Variants in DLG2 observed in about 807,000 individuals in gnomAD.
The protein encoded by DLG2 is discs large MAGUK scaffold protein 2.
Under a neutral mutation model 132.5 loss-of-function variants are expected in DLG2, and 45 were observed. The ratio of observed to expected loss-of-function variants is 0.34; its 90% CI spans 0.27 to 0.44. The LOEUF (loss-of-function observed/expected upper bound fraction) is 0.44. DLG2 is among the 20% of genes least tolerant of loss of function. The pLI, the probability that DLG2 is intolerant of heterozygous loss-of-function variation, is 1.00. For missense variants in DLG2, 1,045 were observed against 1,196.9 expected, an observed-to-expected ratio of 0.87 and a Z score of 1.87; for synonymous variants, 424 against 419.6, an observed-to-expected ratio of 1.01 and a Z score of -0.13.
At chr11:84,897,771 G>A (rs1013670978) in intron 6 of DLG2, among the ~76,000 whole-genome samples, 14 of 151,850 alleles carry the variant, frequency 9.2e-5, no homozygotes, top group Non-Finnish European at 1.5e-4. Context: ...TTGGGAAGCA[G>A]GAGTCTTATG....
intron 18 of DLG2, among the ~76,000 whole-genome samples, chr11:83,673,310 C>T (rs2077142169): frequency 6.6e-6 from 1 of 152,002 alleles, no homozygotes; most frequent in Admixed American, 6.5e-5. Flanking sequence ...AGATGGAAAG[C>T]AACACTTTGT....
At chr11:85,337,998 T>C (rs1477198979) in intron 3 of DLG2, among the ~76,000 whole-genome samples, 3 of 152,174 alleles carry the variant, frequency 2.0e-5, no homozygotes, top group Non-Finnish European at 4.4e-5. Context: ...ATAGTGCTAA[T>C]ATAAAAACTT....
At chr11:85,507,214 A>C (rs146380528) in intron 3 of DLG2, among the ~76,000 whole-genome samples, 1 of 152,250 alleles carries the variant, frequency 6.6e-6, no homozygotes, top group Non-Finnish European at 1.5e-5. Flanking sequence ...ACTTACATTT[A>C]AGGTTAATAA....
At chr11:85,240,044 C>T (rs886522652) in intron 4 of DLG2, among the ~76,000 whole-genome samples, 2 of 151,908 alleles carry the variant, frequency 1.3e-5, no homozygotes, top group African/African-American at 4.8e-5. Flanking sequence ...TATTCTACAT[C>T]TCCTTCTTTG....
At chr11:84,041,916 AT>A (rs922658700) in intron 11 of DLG2, among the ~76,000 whole-genome samples, 9 of 151,932 alleles carry the variant, frequency 5.9e-5, no homozygotes, top group Middle Eastern at 6.8e-3. Flanking sequence ...ATGAGATCTG[AT>A]GGTTTTAAAA....
chr11:83,646,357 C>CAGAGTGAG (rs113642329), intron 18 of DLG2, among the ~76,000 whole-genome samples: 6,552 of 126,220 alleles, frequency 0.052, 452 homozygotes, highest in African/African-American at 0.16. Context: ...AGATATGAAA[C>CAGAGTGAG]AGAGAGAGAG....
At chr11:84,351,070 C>A (rs750079698) in intron 7 of DLG2, among the ~76,000 whole-genome samples, 19 of 151,790 alleles carry the variant, frequency 1.3e-4, no homozygotes, top group Non-Finnish European at 2.5e-4. Flanking sequence ...GATGTGAGGA[C>A]AAACAGGAAA....
At chr11:83,803,444 G>C (rs1447850537) in intron 17 of DLG2, among the ~76,000 whole-genome samples, 2 of 152,044 alleles carry the variant, frequency 1.3e-5, no homozygotes, top group South Asian at 2.1e-4. Flanking sequence ...TTCCAAAGGT[G>C]CAATAACACC....
intron 3 of DLG2, among the ~76,000 whole-genome samples, chr11:85,358,553 G>T (rs1012590905): frequency 2.0e-5 from 3 of 152,164 alleles, no homozygotes; most frequent in African/African-American, 7.2e-5. Context: ...GCAGTGAAAG[G>T]GATGCTGTGT....
chr11:85,418,825 C>G (rs1273747943), intron 3 of DLG2, among the ~76,000 whole-genome samples: 1 of 152,128 alleles, frequency 6.6e-6, no homozygotes, highest in African/African-American at 2.4e-5. Flanking sequence ...CTGTGTGTGT[C>G]TTTGCACATG....
intron 6 of DLG2, among the ~76,000 whole-genome samples, chr11:84,849,529 G>T (rs969641636): frequency 2.0e-5 from 3 of 151,690 alleles, no homozygotes; most frequent in Non-Finnish European, 2.9e-5. Flanking sequence ...CCCTAACAAG[G>T]TGTTGTTGTT....
At chr11:83,563,713 T>C (rs2096654364) in intron 19 of DLG2, among the ~76,000 whole-genome samples, 1 of 152,182 alleles carries the variant, frequency 6.6e-6, no homozygotes, top group Admixed American at 6.5e-5. Context: ...ATTTTATAGA[T>C]GAGGAAATTA....
chr11:84,058,080 CT>C (rs1456954521), intron 11 of DLG2, among the ~76,000 whole-genome samples: 1 of 152,082 alleles, frequency 6.6e-6, no homozygotes, highest in East Asian at 1.9e-4. Flanking sequence ...TTGAACCAGG[CT>C]TTTAAACTCA....
intron 6 of DLG2, among the ~76,000 whole-genome samples, chr11:84,554,469 G>T (rs1473917773): frequency 6.6e-6 from 1 of 152,100 alleles, no homozygotes; most frequent in African/African-American, 2.4e-5. Flanking sequence ...AAAATGGGCC[G>T]GGTGCGGTAG....
At chr11:84,671,452 C>T (rs2153693000) in intron 6 of DLG2, among the ~76,000 whole-genome samples, 1 of 152,120 alleles carries the variant, frequency 6.6e-6, no homozygotes, top group South Asian at 2.1e-4. Flanking sequence ...GAAGACTTTA[C>T]AACTCTATAA....
At chr11:84,493,630 A>G (rs2099171241) in intron 7 of DLG2, among the ~76,000 whole-genome samples, 1 of 152,048 alleles carries the variant, frequency 6.6e-6, no homozygotes, top group South Asian at 2.1e-4. Flanking sequence ...ACTTGATTCA[A>G]ATCCCAACTC....
intron 10 of DLG2, among the ~76,000 whole-genome samples, chr11:84,081,272 G>T (rs1185532098): frequency 1.3e-5 from 2 of 152,064 alleles, no homozygotes; most frequent in African/African-American, 2.4e-5. Context: ...CTAGGTCACT[G>T]TGCGAAGGAT....
intron 18 of DLG2, among the ~76,000 whole-genome samples, chr11:83,683,812 C>A (rs1261378867): frequency 1.3e-5 from 2 of 152,082 alleles, no homozygotes; most frequent in Non-Finnish European, 2.9e-5. Context: ...TTCTAACCTG[C>A]CAGTCAGTGA....
intron 6 of DLG2, among the ~76,000 whole-genome samples, chr11:84,703,815 G>A (rs2059447434): frequency 7.0e-6 from 1 of 143,026 alleles, no homozygotes; most frequent in Non-Finnish European, 1.5e-5. Flanking sequence ...TATTTTTAGT[G>A]TCTTCTTAGC....
Sources: allele counts gnomAD v4.1 joint callset (sites outside exome capture counted in the v4.1 genomes callset), GRCh38; gene constraint gnomAD v4.1.1; transcripts MANE v1.5; gene names NCBI Gene and HGNC (gene_info 2026-07-23, HGNC 2026-07-21).